Variants in ARHGAP15 observed in about 807,000 individuals in gnomAD.
ARHGAP15 encodes Rho GTPase activating protein 15.
ARHGAP15 carries 51 observed loss-of-function variants against 63.7 expected under a neutral mutation model. The observed-to-expected ratio is 0.80, with a 90% CI of 0.64 to 1.01. The LOEUF (loss-of-function observed/expected upper bound fraction) is 1.01, where lower values mean the gene tolerates loss of function less well. Ranked by LOEUF, ARHGAP15 falls within the 50% of genes least tolerant of loss-of-function variation. The pLI, the probability that ARHGAP15 is intolerant of heterozygous loss-of-function variation, is 0.00. For missense variants in ARHGAP15, 560 were observed against 564.6 expected (o/e 0.99, Z 0.08); for synonymous variants, 191 against 193.8 (o/e 0.99, Z 0.12).
At chr2:143,254,259 T>C (rs913594985) in intron 6 of ARHGAP15, among the ~76,000 whole-genome samples, 4 of 152,112 alleles carry the variant, frequency 2.6e-5, no homozygotes, top group Non-Finnish European at 1.5e-5. Flanking sequence ...AATAAAACCA[T>C]GTGAAAGGAT....
At chr2:143,681,066 A>G (rs1683078992) in intron 12 of ARHGAP15, among the ~76,000 whole-genome samples, 1 of 152,228 alleles carries the variant, frequency 6.6e-6, no homozygotes, top group African/African-American at 2.4e-5. Context: ...TTGAAAATGC[A>G]CACCTTTCGA....
chr2:143,470,532 A>ATG (rs1408094515), intron 8 of ARHGAP15, among the ~76,000 whole-genome samples: 2 of 150,568 alleles, frequency 1.3e-5, no homozygotes, highest in Admixed American at 6.6e-5. Context: ...TGTTTTATAT[A>ATG]TATATATATA....
intron 3 of ARHGAP15, 32 bp from the exon 4 acceptor site, chr2:143,216,352 T>A: frequency 6.4e-7 from 1 of 1,554,578 alleles, no homozygotes; most frequent in Non-Finnish European, 8.8e-7. Context: ...TAGTAGTTTG[T>A]CACGGTTTTA....
At chr2:143,625,752 T>G (rs1698811530) in intron 12 of ARHGAP15, among the ~76,000 whole-genome samples, 2 of 152,162 alleles carry the variant, frequency 1.3e-5, no homozygotes, top group African/African-American at 4.8e-5. Context: ...TGGTAGGAAA[T>G]TGGAGGGACT....
At chr2:143,767,419 TA>T (rs2072955921) in intron 13 of ARHGAP15, among the ~76,000 whole-genome samples, 1 of 152,202 alleles carries the variant, frequency 6.6e-6, no homozygotes, top group Non-Finnish European at 1.5e-5. Context: ...ATTGTGGCAT[TA>T]AGCTAAATTG....
chr2:143,753,913 C>A (rs146987888), intron 13 of ARHGAP15, among the ~76,000 whole-genome samples: 2 of 152,162 alleles, frequency 1.3e-5, no homozygotes, highest in South Asian at 2.1e-4. Flanking sequence ...CAAACAGTTG[C>A]GCTTTTTATT....
intron 4 of ARHGAP15, among the ~76,000 whole-genome samples, chr2:143,224,777 C>T (rs1300235051): frequency 1.3e-5 from 2 of 152,108 alleles, no homozygotes; most frequent in East Asian, 3.9e-4. Flanking sequence ...ACGAGAGAGT[C>T]ACTATGTTAA....
intron 11 of ARHGAP15, among the ~76,000 whole-genome samples, chr2:143,620,516 A>G (rs948999818): frequency 4.6e-5 from 7 of 152,252 alleles, no homozygotes; most frequent in Non-Finnish European, 1.0e-4. Context: ...CAATCTTGAC[A>G]TAATAGTCAA....
chr2:143,243,961 G>A (rs1693956148), intron 5 of ARHGAP15, among the ~76,000 whole-genome samples: 1 of 151,884 alleles, frequency 6.6e-6, no homozygotes, highest in Admixed American at 6.6e-5. Context: ...TCATACTTTT[G>A]AATTCACCCC....
intron 1 of ARHGAP15, among the ~76,000 whole-genome samples, chr2:143,137,233 T>C (rs982029278): frequency 3.9e-5 from 6 of 152,124 alleles, no homozygotes; most frequent in South Asian, 2.1e-4. Context: ...CCTTAGAATG[T>C]GTGGTCCATG....
chr2:143,765,493 T>C (rs1686917852), intron 13 of ARHGAP15, among the ~76,000 whole-genome samples: 1 of 152,202 alleles, frequency 6.6e-6, no homozygotes, highest in Non-Finnish European at 1.5e-5. Context: ...TCCAGAAATG[T>C]AGCCATGCCA....
chr2:143,249,685 G>A (rs1680051417), intron 5 of ARHGAP15, among the ~76,000 whole-genome samples: 1 of 152,058 alleles, frequency 6.6e-6, no homozygotes, highest in Admixed American at 6.6e-5. Flanking sequence ...ATGTAAAGTT[G>A]TATAAGTATG....
intron 8 of ARHGAP15, among the ~76,000 whole-genome samples, chr2:143,468,164 G>A (rs1691326448): frequency 6.6e-6 from 1 of 151,604 alleles, no homozygotes; most frequent in Non-Finnish European, 1.5e-5. Flanking sequence ...ATTTCAAGGG[G>A]AATGGGAACA....
At chr2:143,703,919 C>T (rs192472076) in intron 13 of ARHGAP15, 46 of 155,002 alleles carry the variant, frequency 3.0e-4, no homozygotes, top group Middle Eastern at 3.2e-3. Flanking sequence ...TTACTTAAAC[C>T]CTCTGCAACC....
intron 1 of ARHGAP15, among the ~76,000 whole-genome samples, chr2:143,153,728 C>A (rs780626971): frequency 6.6e-6 from 1 of 151,688 alleles, no homozygotes; most frequent in South Asian, 2.1e-4. Flanking sequence ...TGTTAGCATA[C>A]CTTAGTTGGC....
intron 9 of ARHGAP15, among the ~76,000 whole-genome samples, chr2:143,500,145 C>A (rs1170241576): frequency 2.6e-5 from 4 of 151,580 alleles, no homozygotes; most frequent in Non-Finnish European, 5.9e-5. Context: ...GCTCATTATA[C>A]AATATTGTGA....
At chr2:143,314,818 C>T (rs1005971218) in intron 6 of ARHGAP15, among the ~76,000 whole-genome samples, 1 of 145,028 alleles carries the variant, frequency 6.9e-6, no homozygotes, top group Admixed American at 6.7e-5. Context: ...AAGAAAATTG[C>T]TCAAGATAAT....
intron 5 of ARHGAP15, among the ~76,000 whole-genome samples, chr2:143,247,136 C>T (rs1469482342): frequency 1.3e-5 from 2 of 152,218 alleles, no homozygotes; most frequent in African/African-American, 2.4e-5. Flanking sequence ...CCGTGAGGAA[C>T]ACCTGAGCCC....
chr2:143,628,321 T>C (rs1698920302), intron 12 of ARHGAP15, among the ~76,000 whole-genome samples: 1 of 152,204 alleles, frequency 6.6e-6, no homozygotes, highest in Non-Finnish European at 1.5e-5. Flanking sequence ...GAAAGATTTG[T>C]TTCCTTTTGG....
Sources: gnomAD v4.1 joint callset for allele counts (sites outside exome capture counted in the v4.1 genomes callset) on GRCh38, gnomAD v4.1.1 for gene constraint, MANE v1.5 for transcripts, NCBI Gene and HGNC (gene_info 2026-07-23, HGNC 2026-07-21) for gene names.